CFHR5: variants seen among roughly 807,000 people sequenced by gnomAD.
The protein encoded by CFHR5 is complement factor H-related protein 5.
CFHR5 carries 73 observed loss-of-function variants against 62.9 expected under a neutral mutation model. The ratio of observed to expected loss-of-function variants is 1.16; its 90% CI spans 0.96 to 1.41. The LOEUF (loss-of-function observed/expected upper bound fraction) is 1.41. Among genes scored for constraint, CFHR5 ranks in the 40% most tolerant of loss-of-function variants. The probability of loss-of-function intolerance (pLI) is 0.00; values close to 1 mark genes in which losing one functional copy is unlikely to be tolerated. For synonymous variants in CFHR5, 249 were observed against 227.2 expected (o/e 1.10, Z -0.86); for missense variants, 779 against 679.9 (o/e 1.15, Z -1.62).
chr1:196,982,466 G>A (rs1653567532), intron 1 of CFHR5, among the ~76,000 whole-genome samples: 1 of 152,146 alleles, frequency 6.6e-6, no homozygotes. Context: ...GAGGTCAGGA[G>A]TTTGACACCA....
chr1:196,996,617 T>C (rs1386460035), intron 6 of CFHR5, among the ~76,000 whole-genome samples: 1 of 152,202 alleles, frequency 6.6e-6, no homozygotes, highest in African/African-American at 2.4e-5. Flanking sequence ...TAATTTCTTT[T>C]ATTTCATTGC....
chr1:196,982,807 A>G, intron 1 of CFHR5, 78 bp from the exon 2 acceptor site: 1 of 1,348,836 alleles, frequency 7.4e-7, no homozygotes, highest in Non-Finnish European at 1.1e-6. Flanking sequence ...ACTATAAATG[A>G]GATGACTAAA....
intron 1 of CFHR5, among the ~76,000 whole-genome samples, chr1:196,981,910 T>A (rs1206947727): frequency 6.6e-6 from 1 of 152,108 alleles, no homozygotes; most frequent in Non-Finnish European, 1.5e-5. Context: ...TTTTTCTTTT[T>A]CAGATATTTT....
intron 4 of CFHR5, among the ~76,000 whole-genome samples, chr1:196,995,327 A>G (rs1653960461): frequency 1.5e-5 from 2 of 135,344 alleles, no homozygotes; most frequent in African/African-American, 5.0e-5. Flanking sequence ...AATGTAAAAG[A>G]TATTTTGTAT....
chr1:196,994,053 CAT>C (rs1653922622), intron 3 of CFHR5, 25 bp from the exon 4 acceptor site: 3 of 1,567,844 alleles, frequency 1.9e-6, no homozygotes, highest in Non-Finnish European at 1.8e-6. Context: ...TGAAAATTCA[CAT>C]ATGTTCATTT....
chr1:196,994,524 TC>T (rs1653938268), intron 4 of CFHR5, among the ~76,000 whole-genome samples: 1 of 152,176 alleles, frequency 6.6e-6, no homozygotes, highest in South Asian at 2.1e-4. Context: ...TTAGGATTTT[TC>T]CATCTAGCTC....
At chr1:196,977,303 A>C (rs575796839), upstream of CFHR5, among the ~76,000 whole-genome samples, 2 of 151,834 alleles carry the variant, frequency 1.3e-5, no homozygotes, top group South Asian at 4.2e-4. Flanking sequence ...AAAAAAAAAA[A>C]AAACCCAGGG....
intron 9 of CFHR5, among the ~76,000 whole-genome samples, chr1:197,007,189 C>A (rs117288918): frequency 1.3e-5 from 2 of 151,458 alleles, no homozygotes; most frequent in Non-Finnish European, 2.9e-5. Flanking sequence ...TATTTTACAC[C>A]GAGAAAACAT....
rs150742682 is a variant in CFHR5, at chr1:197,004,754, C to T, written c.1424C>T (p.Thr475Met). 71 of 1,612,500 alleles carry T rather than the reference C, an allele frequency of 4.4e-5. No homozygotes were observed. Among genetic ancestry groups the T allele is most frequent in the African/African-American group, 1.3e-4 (10 of 74,818 alleles). Residue 475 changes from threonine (T) to methionine (M), a missense_variant, in exon 9 of 10, where the codon ACG becomes ATG. Thr to Met is a moderately conservative substitution (Grantham distance 81, BLOSUM62 -1). Coordinates refer to ENST00000256785, the MANE Select transcript of CFHR5 (RefSeq NM_030787.4). ...GTATATCCTCCAGGGTCAACAGTGACGTACCGTTGCCAGTCCTTCTATAAA... is the reference window on the plus strand; with the variant it reads ...GTATATCCTCCAGGGTCAACAGTGATGTACCGTTGCCAGTCCTTCTATAAA... ...LSVYPPGSTV[T>M]YRCQSFYKLQ...
Position 196,984,183 on chromosome 1 carries a change from A to G in CFHR5, c.430+46A>G, listed in dbSNP as rs1167963184. On this transcript the variant is annotated intron_variant, in intron 3 of 9. Transcript: ENST00000256785. ...TCAGTTTTGCTAATTATTTAAAGAA[A>G]TAAATCTATAGTTTATAGATTAAAT... The G allele has an allele frequency of 3.4e-6, 5 of 1,471,292 alleles. No homozygotes were observed. In the Admixed American group the frequency reaches 5.1e-5, roughly 15 times the overall value. The allele number at this position is 1,471,292 out of a possible 1,614,324, so 91.1% of individuals were successfully genotyped here.
At chr1:197,005,204 G>A (rs1358938315) in intron 9 of CFHR5, among the ~76,000 whole-genome samples, 2 of 152,046 alleles carry the variant, frequency 1.3e-5, no homozygotes, top group Non-Finnish European at 2.9e-5. Flanking sequence ...TAGGAAAACT[G>A]TCATTTAATA....
intron 4 of CFHR5, 120 bp downstream of exon 4, chr1:196,994,376 G>A (rs1317887301): frequency 1.3e-5 from 11 of 820,346 alleles, no homozygotes; most frequent in Non-Finnish European, 1.0e-5. Context: ...TGGCAAAGGA[G>A]AAAGGATGCA....
intron 7 of CFHR5, 39 bp from the exon 8 acceptor site, chr1:197,002,443 C>T (rs1318794304): frequency 1.3e-6 from 2 of 1,538,134 alleles, no homozygotes; most frequent in South Asian, 1.1e-5. Context: ...TTTTACTTAA[C>T]TTTTATTAAT....
intron 2 of CFHR5, 32 bp downstream of exon 2, chr1:196,983,111 T>C: frequency 6.2e-7 from 1 of 1,611,416 alleles, no homozygotes; most frequent in South Asian, 1.1e-5. Flanking sequence ...TAAATGGATG[T>C]CATTCAGTGA....
In CFHR5 at chr1:196,983,548, A is replaced by G. The variant is rs558684841; in HGVS notation, c.254-413A>G. Among the ~76,000 whole-genome samples the G allele has an allele frequency of 2.0e-5, 3 of 152,320 alleles. No homozygotes were observed. In the East Asian group the frequency reaches 5.8e-4, roughly 29 times the overall value. ...GCTATATTAATCCTCCAATAAATGT[A>G]GAGACCAGACTCCAATGATAACAGG... On this transcript the variant is annotated intron_variant, in intron 2 of 9. Transcript: ENST00000256785.
chr1:196,982,958 A>C lies in CFHR5; in HGVS notation c.132A>C (p.Gln44His). The C allele has an allele frequency of 1.2e-6, 2 of 1,614,056 alleles. No individual in the cohort carries two copies. Among genetic ancestry groups the C allele is most frequent in the Non-Finnish European group, 1.7e-6 (2 of 1,179,994 alleles). The change falls in exon 2 of 10, where the codon CAA (glutamine) becomes CAC (histidine). Residue 44 changes from glutamine to histidine, a missense_variant. Gln to His is a conservative substitution (Grantham distance 24). Coordinates refer to ENST00000256785, the MANE Select transcript of CFHR5 (RefSeq NM_030787.4). ...YDEEDYNPFS[Q>H]VPTGEVFYYS... ...AAGAAGATTATAACCCTTTTTCCCA[A>C]GTTCCTACAGGGGAAGTTTTCTATT...
chr1:196,994,330 C>T, intron 4 of CFHR5, 74 bp downstream of exon 4: 2 of 1,182,702 alleles, frequency 1.7e-6, no homozygotes, highest in Admixed American at 1.7e-5. Context: ...TTTATTGGAG[C>T]TTATATTACA....
chr1:197,002,420 C>A, intron 7 of CFHR5, 62 bp from the exon 8 acceptor site: 4 of 1,229,610 alleles, frequency 3.3e-6, no homozygotes, highest in Non-Finnish European at 4.7e-6. Flanking sequence ...GAAACACTAC[C>A]CTATTGAGCT....
Position 196,993,708 on chromosome 1 carries a change from AT to A in CFHR5, c.431-371del, listed in dbSNP as rs1653911460. Among the ~76,000 whole-genome samples, 4 of 152,286 alleles carry A rather than the reference AT, an allele frequency of 2.6e-5. No homozygotes were observed. In the South Asian group the frequency reaches 8.3e-4, roughly 32 times the overall value. ...TTTTTTGTGATTTAGTGAGAAAAAAATATTCCTATTCTGTATTATAAACAAA... is the reference window on the plus strand; with the variant it reads ...TTTTTTGTGATTTAGTGAGAAAAAAAATTCCTATTCTGTATTATAAACAAA... On this transcript the variant is annotated intron_variant, in intron 3 of 9. Transcript: ENST00000256785.
Sources: gnomAD v4.1 joint callset for allele counts (sites outside exome capture counted in the v4.1 genomes callset) on GRCh38, gnomAD v4.1.1 for gene constraint, MANE v1.5 for transcripts, NCBI Gene and HGNC (gene_info 2026-07-23, HGNC 2026-07-21) for gene names.